The following PTPRD variants were observed in gnomAD, a reference collection of about 807,000 sequenced individuals.
PTPRD encodes the protein receptor-type tyrosine-protein phosphatase delta.
Under a neutral mutation model 214.5 loss-of-function variants are expected in PTPRD, and 34 were observed. That is an observed-to-expected ratio of 0.16 (90% confidence interval 0.12 to 0.21). The LOEUF (loss-of-function observed/expected upper bound fraction) is 0.21, where lower values mean the gene tolerates loss of function less well. Ranked by LOEUF, PTPRD falls within the 10% of genes least tolerant of loss-of-function variation. PTPRD has a pLI of 1.00. For synonymous variants in PTPRD, 1,128 were observed against 845.7 expected (o/e 1.33, Z -5.79); for missense variants, 2,545 against 2,398.7 (o/e 1.06, Z -1.27).
chr9:10,005,349 C>T (rs1429342987), intron 4 of PTPRD, among the ~76,000 whole-genome samples: 1 of 152,060 alleles, frequency 6.6e-6, no homozygotes, highest in Non-Finnish European at 1.5e-5. Flanking sequence ...ACAGATAAGA[C>T]CAAGATTATC....
At chr9:8,492,593 G>A (rs1274188381) in intron 27 of PTPRD, among the ~76,000 whole-genome samples, 14 of 141,058 alleles carry the variant, frequency 9.9e-5, no homozygotes, top group African/African-American at 3.8e-4. Flanking sequence ...TGGTAACAGT[G>A]CCTGACACAC....
At chr9:9,920,759 T>C (rs1318405237) in intron 5 of PTPRD, among the ~76,000 whole-genome samples, 2 of 152,120 alleles carry the variant, frequency 1.3e-5, no homozygotes, top group African/African-American at 2.4e-5. Context: ...GCTTTTAACA[T>C]ATCAGAATTC....
intron 8 of PTPRD, among the ~76,000 whole-genome samples, chr9:9,497,918 T>C (rs754474195): frequency 2.0e-5 from 3 of 152,178 alleles, no homozygotes; most frequent in African/African-American, 7.2e-5. Flanking sequence ...AGTTTTCTCA[T>C]CTATAAACTG....
intron 9 of PTPRD, among the ~76,000 whole-genome samples, chr9:9,240,530 G>T (rs545792928): frequency 3.5e-4 from 53 of 152,244 alleles, no homozygotes; most frequent in African/African-American, 1.2e-3. Context: ...AATTAGCTGG[G>T]CATGGTGGCA....
rs1041619688 is a variant in PTPRD at position 9,609,960 on chromosome 9, T to C, written c.-286-35179A>G. ...TGGCAAAATTATGTGAAGATGAATA[T>C]CGGCGGCCCCTTCTACTCATGGCAT... On this transcript the variant is annotated intron_variant, in intron 7 of 45. Transcript: ENST00000381196. Among the ~76,000 whole-genome samples the C allele has an allele frequency of 5.3e-5, 8 of 152,276 alleles. No homozygotes were observed. The East Asian group carries it at 1.5e-3, about 29-fold the overall frequency.
chr9:9,285,190 C>G (rs564765136), intron 9 of PTPRD, among the ~76,000 whole-genome samples: 1 of 151,652 alleles, frequency 6.6e-6, no homozygotes, highest in East Asian at 2.0e-4. Context: ...ATTTTTTTCT[C>G]TCTTCCTCTA....
At chr9:8,686,706 T>C (rs887696373) in intron 12 of PTPRD, among the ~76,000 whole-genome samples, 2 of 152,038 alleles carry the variant, frequency 1.3e-5, no homozygotes, top group Admixed American at 6.6e-5. Flanking sequence ...ACCATCCAAG[T>C]AGAAGGTTAC....
At chr9:9,652,978 A>C (rs16929992) in intron 7 of PTPRD, among the ~76,000 whole-genome samples, 13,992 of 152,080 alleles carry the variant, frequency 0.092, 2,079 homozygotes, top group African/African-American at 0.31. Flanking sequence ...GTCACAATTT[A>C]TTCTTTATGG....
intron 10 of PTPRD, among the ~76,000 whole-genome samples, chr9:9,148,541 G>C (rs1045782780): frequency 6.6e-6 from 1 of 152,114 alleles, no homozygotes; most frequent in East Asian, 1.9e-4. Context: ...CCATATGGCT[G>C]ACATTTTTGC....
At chr9:9,140,497 C>T (rs2099858347) in intron 10 of PTPRD, among the ~76,000 whole-genome samples, 1 of 152,194 alleles carries the variant, frequency 6.6e-6, no homozygotes, top group Non-Finnish European at 1.5e-5. Flanking sequence ...CAAGCAATAG[C>T]AACATTCAGA....
chr9:10,293,159 T>C (rs2095577181), intron 3 of PTPRD, among the ~76,000 whole-genome samples: 1 of 151,940 alleles, frequency 6.6e-6, no homozygotes, highest in East Asian at 1.9e-4. Context: ...TTGAAATCTC[T>C]GGCCTTGAAT....
Position 8,637,491 on chromosome 9 carries a change from A to AT in PTPRD, c.65-648dup, listed in dbSNP as rs562352689. Among the ~76,000 whole-genome samples, 186 of 152,306 alleles carry AT rather than the reference A, an allele frequency of 1.2e-3. 2 individuals carry two copies. The highest frequency in any genetic ancestry group is 4.3e-3 in the African/African-American group (179 of 41,566). ...CCAAAGTCATAGTAAAGCAAAGAAT[A>AT]TTTTTTATACAAAGATGTAGACTTA... On this transcript the variant is annotated intron_variant, in intron 12 of 45. Coordinates refer to ENST00000381196, the MANE Select transcript of PTPRD (RefSeq NM_002839.4).
chr9:9,458,578 G>A (rs1443248117), intron 8 of PTPRD, among the ~76,000 whole-genome samples: 1 of 151,820 alleles, frequency 6.6e-6, no homozygotes, highest in Non-Finnish European at 1.5e-5. Context: ...AAAATCATGA[G>A]TTGTTTGTTG....
rs537131639 is a variant in PTPRD, at chr9:8,591,108, T to C, written c.352+42209A>G. ...TGCATAATTCTGACACTGACTCCTC[T>C]GCCTCCAATTTAAAGACCCTTATTA... On this transcript the variant is annotated intron_variant, in intron 14 of 45. Coordinates refer to ENST00000381196, the MANE Select transcript of PTPRD (RefSeq NM_002839.4). 3.3e-5 allele frequency among the ~76,000 whole-genome samples: 5 copies of C among 152,318 alleles called. No homozygotes were observed. The East Asian group carries it at 9.6e-4, about 29-fold the overall frequency.
chr9:8,976,250 G>C (rs1297728881), intron 11 of PTPRD, among the ~76,000 whole-genome samples: 2 of 151,876 alleles, frequency 1.3e-5, no homozygotes, highest in Non-Finnish European at 2.9e-5. Flanking sequence ...TGTTAGTTTT[G>C]AATCTTTCTC....
Position 8,940,484 on chromosome 9 carries a change from G to T in PTPRD, c.-104+78213C>A, listed in dbSNP as rs1308735677. On this transcript the variant is annotated intron_variant, in intron 11 of 45. Coordinates refer to ENST00000381196, the MANE Select transcript of PTPRD (RefSeq NM_002839.4). ...TTTTTGGTATTTTTAATAGAGACAGGGTTTCACCATGTTGGCCAGGCTGGT... is the reference window on the plus strand; with the variant it reads ...TTTTTGGTATTTTTAATAGAGACAGTGTTTCACCATGTTGGCCAGGCTGGT... Among the ~76,000 whole-genome samples, 7 of 136,932 alleles carry T rather than the reference G, an allele frequency of 5.1e-5. No individual in the cohort carries two copies. The East Asian group carries it at 1.6e-3, about 30-fold the overall frequency. 89.8% of individuals were successfully genotyped at this position (136,932 alleles called of 152,430 possible). A position where few individuals can be genotyped will look rare whatever the true frequency, so the allele number is the denominator to read the frequency against.
At chr9:9,678,889 G>C (rs890335038) in intron 7 of PTPRD, among the ~76,000 whole-genome samples, 2 of 151,828 alleles carry the variant, frequency 1.3e-5, no homozygotes, top group Non-Finnish European at 2.9e-5. Flanking sequence ...CAGGATCAAA[G>C]TGGCAGTTCA....
chr9:9,441,128 T>C (rs2087536471), intron 8 of PTPRD, among the ~76,000 whole-genome samples: 1 of 152,152 alleles, frequency 6.6e-6, no homozygotes, highest in Non-Finnish European at 1.5e-5. Flanking sequence ...TGACCTTGAA[T>C]GAGGTGTCTC....
At chr9:10,496,560 A>G (rs1037070215) in intron 2 of PTPRD, among the ~76,000 whole-genome samples, 5 of 152,062 alleles carry the variant, frequency 3.3e-5, no homozygotes, top group African/African-American at 1.2e-4. Flanking sequence ...GAAATAATTT[A>G]CATTCCCACC....
Sources: allele counts gnomAD v4.1 joint callset (sites outside exome capture counted in the v4.1 genomes callset), GRCh38; gene constraint gnomAD v4.1.1; transcripts MANE v1.5; gene names NCBI Gene and HGNC (gene_info 2026-07-23, HGNC 2026-07-21).